ARVCF: variants seen among roughly 807,000 people sequenced by gnomAD.
ARVCF encodes the protein ARVCF delta catenin family member.
Under a neutral mutation model 90.9 loss-of-function variants are expected in ARVCF, and 66 were observed. The observed-to-expected ratio is 0.73, with a 90% CI of 0.60 to 0.89. The LOEUF (loss-of-function observed/expected upper bound fraction) is 0.89, where lower values mean the gene tolerates loss of function less well. Ranked by LOEUF, ARVCF falls within the 40% of genes least tolerant of loss-of-function variation. The pLI is 0.00. For synonymous variants in ARVCF, 653 were observed against 603.4 expected, an observed-to-expected ratio of 1.08 and a Z score of -1.21; for missense variants, 1,469 against 1,382.3, an observed-to-expected ratio of 1.06 and a Z score of -1.00.
intron 2 of ARVCF, among the ~76,000 whole-genome samples, chr22:20,006,325 C>A (rs1374623312): frequency 6.6e-6 from 1 of 152,044 alleles, no homozygotes; most frequent in East Asian, 1.9e-4. Flanking sequence ...CGCCTGTAAT[C>A]TCAGCACTTT....
chr22:19,968,634 C>T (rs762414852), downstream of ARVCF: 8 of 1,614,074 alleles, frequency 5.0e-6, no homozygotes, highest in South Asian at 7.7e-5. Context: ...GGAGCAGCTG[C>T]TTTGAGTGCA....
intron 2 of ARVCF, among the ~76,000 whole-genome samples, chr22:19,999,593 G>A (rs1944373956): frequency 2.0e-5 from 3 of 152,364 alleles, no homozygotes; most frequent in East Asian, 3.9e-4. Context: ...GGCAGGGAGT[G>A]GCCATAGGGT....
chr22:20,015,886 G>A (rs964832636), intron 1 of ARVCF, among the ~76,000 whole-genome samples: 52 of 152,242 alleles, frequency 3.4e-4, no homozygotes, highest in African/African-American at 1.1e-3. Flanking sequence ...ATTGTAAGCA[G>A]CCAATATTTA....
At chr22:19,981,048 AG>A in intron 5 of ARVCF, 162 bp downstream of exon 5, 1 of 941,634 alleles carries the variant, frequency 1.1e-6, no homozygotes, top group Non-Finnish European at 1.5e-6. Flanking sequence ...CTACCACCCC[AG>A]GGTCCACCTT....
intron 7 of ARVCF, among the ~76,000 whole-genome samples, chr22:19,978,529 G>C (rs554487362): frequency 2.0e-5 from 3 of 152,288 alleles, no homozygotes; most frequent in East Asian, 3.9e-4. Flanking sequence ...GGGGTCAGCA[G>C]GGCCTCCCAG....
chr22:20,003,309 C>T (rs1944508149), intron 2 of ARVCF, among the ~76,000 whole-genome samples: 2 of 152,302 alleles, frequency 1.3e-5, no homozygotes, highest in South Asian at 4.1e-4. Flanking sequence ...CAATCGTCCT[C>T]AAACTTTTCC....
At chr22:19,997,187 G>C (rs1944285539) in intron 2 of ARVCF, among the ~76,000 whole-genome samples, 1 of 152,230 alleles carries the variant, frequency 6.6e-6, no homozygotes, top group South Asian at 2.1e-4. Flanking sequence ...CACTGCTGGG[G>C]GCCAGGGAGC....
intron 3 of ARVCF, among the ~76,000 whole-genome samples, chr22:19,989,025 G>A (rs1249510690): frequency 2.0e-5 from 3 of 152,170 alleles, no homozygotes; most frequent in South Asian, 4.1e-4. Flanking sequence ...CTGCCTGTCC[G>A]AGGACAGTTC....
intron 3 of ARVCF, among the ~76,000 whole-genome samples, chr22:19,985,957 T>C (rs1943744541): frequency 6.6e-6 from 1 of 152,228 alleles, no homozygotes; most frequent in Admixed American, 6.5e-5. Context: ...CTGGCATCTC[T>C]CACCAGGCAG....
intron 19 of ARVCF, 82 bp downstream of exon 19, chr22:19,971,134 C>T (rs930646083): frequency 8.4e-6 from 13 of 1,545,900 alleles, no homozygotes; most frequent in South Asian, 2.4e-5. Flanking sequence ...AAGAGCAGAG[C>T]GTGCAGGCAG....
chr22:19,984,544 G>A (rs1490677043), intron 3 of ARVCF, among the ~76,000 whole-genome samples: 1 of 152,118 alleles, frequency 6.6e-6, no homozygotes, highest in Non-Finnish European at 1.5e-5. Flanking sequence ...AGGAAAGCCC[G>A]GCCCCTGCTA....
intron 16 of ARVCF, 94 bp from the exon 17 acceptor site, chr22:19,972,505 G>A: frequency 1.3e-6 from 2 of 1,496,696 alleles, no homozygotes; most frequent in Admixed American, 1.8e-5. Context: ...TAGCCCTAGA[G>A]GCTCTCTGTC....
chr22:19,982,560 C>T (rs867317194), intron 3 of ARVCF, among the ~76,000 whole-genome samples: 1 of 152,194 alleles, frequency 6.6e-6, no homozygotes, highest in Non-Finnish European at 1.5e-5. Flanking sequence ...CCTCCCTCAC[C>T]TGCCCCAGAC....
At chr22:19,967,324 G>T (rs4646318), downstream of ARVCF, 1 of 757,950 alleles carries the variant, frequency 1.3e-6, no homozygotes, top group African/African-American at 1.8e-5. Flanking sequence ...CCCTGCTCAA[G>T]GCCTAGGCCA....
chr22:20,015,842 T>C (rs1945073903), intron 1 of ARVCF, among the ~76,000 whole-genome samples: 1 of 152,214 alleles, frequency 6.6e-6, no homozygotes, highest in South Asian at 2.1e-4. Flanking sequence ...ATTTTAAGTA[T>C]GTTACATTAC....
rs1043878575 is a variant in ARVCF at position 19,973,267 on chromosome 22, G to C, written c.2290C>G (p.Pro764Ala). The C allele has an allele frequency of 6.2e-7, 1 of 1,608,670 alleles. No individual in the cohort carries two copies. The highest frequency in any genetic ancestry group is 8.5e-7 in the Non-Finnish European group (1 of 1,178,894). ...LVRNVRNAQA[P>A]PRPGACLEED... ...TCCAGGCAGGCCCCCGGTCGCGGCGGAGCCTGTGCATTGCGCACATTCCGC... is the reference window on the plus strand; with the variant it reads ...TCCAGGCAGGCCCCCGGTCGCGGCGCAGCCTGTGCATTGCGCACATTCCGC... The change falls in exon 14 of 20, where the codon CCG (proline) becomes GCG (alanine). Residue 764 changes from proline to alanine, a missense_variant. Physicochemically the swap from Pro to Ala is conservative, Grantham distance 27. Transcript: ENST00000263207.
intron 3 of ARVCF, chr22:19,987,269 C>G: frequency 1.2e-5 from 1 of 82,580 alleles, no homozygotes; most frequent in Non-Finnish European, 2.6e-5. Flanking sequence ...CCAGGTGGGG[C>G]GTGGCGGGGG....
intron 11 of ARVCF, among the ~76,000 whole-genome samples, 169 bp downstream of exon 11, chr22:19,975,517 G>C (rs748559487): frequency 2.6e-5 from 4 of 152,166 alleles, no homozygotes; most frequent in Non-Finnish European, 5.9e-5. Flanking sequence ...CCCTCAGCAG[G>C]TGTCCTGGTG....
At chr22:19,972,687 G>A (rs758249307) in intron 16 of ARVCF, 50 bp downstream of exon 16, 4 of 1,533,868 alleles carry the variant, frequency 2.6e-6, no homozygotes, top group East Asian at 2.4e-5. Context: ...TCAGGCAACT[G>A]GGGCAGCTGG....
Sources: gnomAD v4.1 joint callset for allele counts (sites outside exome capture counted in the v4.1 genomes callset) on GRCh38, gnomAD v4.1.1 for gene constraint, MANE v1.5 for transcripts, NCBI Gene and HGNC (gene_info 2026-07-23, HGNC 2026-07-21) for gene names.